The following SOX6 variants were observed in gnomAD, a reference collection of about 807,000 sequenced individuals.
SOX6 encodes SRY-box transcription factor 6, also known as transcription factor SOX-6.
Under a neutral mutation model 97.8 loss-of-function variants are expected in SOX6, and 11 were observed. That is an observed-to-expected ratio of 0.11 (90% confidence interval 0.07 to 0.19). The LOEUF (loss-of-function observed/expected upper bound fraction) is 0.19, where lower values mean the gene tolerates loss of function less well. SOX6 is among the 10% of genes least tolerant of loss of function. The pLI is 1.00. For missense variants in SOX6, 810 were observed against 1,039.5 expected (o/e 0.78, Z 3.04); for synonymous variants, 360 against 371.4 (o/e 0.97, Z 0.35).
chr11:16,522,189 A>G (rs1861077994), intron 4 of SOX6, among the ~76,000 whole-genome samples: 1 of 152,174 alleles, frequency 6.6e-6, no homozygotes, highest in Non-Finnish European at 1.5e-5. Flanking sequence ...CAGATTCACC[A>G]AAGTTGAAAT....
intron 3 of SOX6, among the ~76,000 whole-genome samples, chr11:16,280,208 T>C (rs1854515592): frequency 6.6e-6 from 1 of 152,114 alleles, no homozygotes; most frequent in African/African-American, 2.4e-5. Flanking sequence ...GCAGATACAG[T>C]AATTTTGATG....
At chr11:16,564,327 G>C (rs1847844945) in intron 4 of SOX6, among the ~76,000 whole-genome samples, 1 of 152,124 alleles carries the variant, frequency 6.6e-6, no homozygotes, top group Admixed American at 6.6e-5. Flanking sequence ...ATTATAAACA[G>C]GGAAAGTAAT....
chr11:16,725,778 T>A (rs1005638740), intron 2 of SOX6, among the ~76,000 whole-genome samples: 4 of 152,172 alleles, frequency 2.6e-5, no homozygotes, highest in African/African-American at 9.6e-5. Flanking sequence ...TTCAATTAAT[T>A]GAAATGTTAG....
intron 12 of SOX6, among the ~76,000 whole-genome samples, chr11:16,040,090 A>T (rs759780979): frequency 3.3e-5 from 5 of 152,054 alleles, no homozygotes; most frequent in Non-Finnish European, 5.9e-5. Context: ...CAACATTATT[A>T]ACTGAATATA....
At chr11:16,591,847 G>A (rs1848157481) in intron 4 of SOX6, among the ~76,000 whole-genome samples, 1 of 151,930 alleles carries the variant, frequency 6.6e-6, no homozygotes, top group Non-Finnish European at 1.5e-5. Flanking sequence ...CTCCCATTTG[G>A]ATCTATTTTT....
chr11:16,678,205 C>T (rs1452907414), intron 3 of SOX6, among the ~76,000 whole-genome samples: 3 of 151,796 alleles, frequency 2.0e-5, no homozygotes, highest in Non-Finnish European at 4.4e-5. Context: ...GTTTAGTTTG[C>T]TTGTCTTTCT....
chr11:16,279,968 C>T (rs1306035553), intron 3 of SOX6, among the ~76,000 whole-genome samples: 1 of 151,956 alleles, frequency 6.6e-6, no homozygotes, highest in South Asian at 2.1e-4. Context: ...AGGGTGAAAA[C>T]AATTTCAAAA....
intron 4 of SOX6, among the ~76,000 whole-genome samples, chr11:16,496,654 G>A (rs1860602794): frequency 6.6e-6 from 1 of 152,220 alleles, no homozygotes; most frequent in Non-Finnish European, 1.5e-5. Flanking sequence ...TTAGCAAACG[G>A]CACACCAGGA....
chr11:16,360,211 T>C (rs1287013366), upstream of SOX6, among the ~76,000 whole-genome samples: 3 of 152,238 alleles, frequency 2.0e-5, no homozygotes, highest in Admixed American at 6.5e-5. Context: ...GTTGTACAAC[T>C]AGTAAGAGGC....
chr11:16,136,774 A>G (rs1286654924), intron 6 of SOX6, among the ~76,000 whole-genome samples: 1 of 152,176 alleles, frequency 6.6e-6, no homozygotes, highest in Admixed American at 6.5e-5. Context: ...CAAAAAATTC[A>G]TGCAACTCAT....
At chr11:15,998,878 G>T (rs1187669565) in intron 13 of SOX6, among the ~76,000 whole-genome samples, 2 of 151,910 alleles carry the variant, frequency 1.3e-5, no homozygotes, top group African/African-American at 2.4e-5. Flanking sequence ...ATGACTCTTA[G>T]ATACAACATA....
intron 2 of SOX6, among the ~76,000 whole-genome samples, chr11:16,725,008 T>C (rs904759482): frequency 1.3e-5 from 2 of 152,208 alleles, no homozygotes; most frequent in Non-Finnish European, 2.9e-5. Flanking sequence ...ATTCCACTCC[T>C]AGACATATAC....
intron 1 of SOX6, among the ~76,000 whole-genome samples, chr11:16,349,086 T>G (rs1036716109): frequency 1.1e-4 from 17 of 152,068 alleles, no homozygotes; most frequent in African/African-American, 4.1e-4. Flanking sequence ...TCTCCCGCAC[T>G]CCAAAGATTC....
At chr11:16,549,712 T>TA (rs570830311) in intron 4 of SOX6, among the ~76,000 whole-genome samples, 24 of 151,860 alleles carry the variant, frequency 1.6e-4, no homozygotes, top group African/African-American at 3.6e-4. Context: ...CAACTGGTGA[T>TA]AAAAAAAACA....
At chr11:15,998,769 C>A (rs765204881) in intron 13 of SOX6, among the ~76,000 whole-genome samples, 1 of 151,932 alleles carries the variant, frequency 6.6e-6, no homozygotes. Flanking sequence ...ACATTATATA[C>A]AACAATTAGA....
At chr11:16,010,475 CA>C (rs1854685493) in intron 13 of SOX6, among the ~76,000 whole-genome samples, 1 of 151,674 alleles carries the variant, frequency 6.6e-6, no homozygotes, top group Non-Finnish European at 1.5e-5. Context: ...TACAACCTCC[CA>C]AAAAGGCTGG....
At chr11:16,254,908 T>C (rs1170721831) in intron 3 of SOX6, among the ~76,000 whole-genome samples, 2 of 151,948 alleles carry the variant, frequency 1.3e-5, no homozygotes, top group South Asian at 2.1e-4. Flanking sequence ...AAGATAAATA[T>C]AGATTAAAAT....
At chr11:16,318,755 G>A in intron 2 of SOX6, 102 bp from the exon 3 acceptor site, 1 of 790,260 alleles carries the variant, frequency 1.3e-6, no homozygotes, top group Non-Finnish European at 2.0e-6. Context: ...TGCTTAGTAG[G>A]ACAAATAAAA....
chr11:16,046,017 G>T (rs1340406183), intron 12 of SOX6, among the ~76,000 whole-genome samples: 2 of 152,112 alleles, frequency 1.3e-5, no homozygotes, highest in East Asian at 1.9e-4. Context: ...GTCCATCATA[G>T]AATAAACAAT....
Sources: allele counts gnomAD v4.1 joint callset (sites outside exome capture counted in the v4.1 genomes callset), GRCh38; gene constraint gnomAD v4.1.1; transcripts MANE v1.5; gene names NCBI Gene and HGNC (gene_info 2026-07-23, HGNC 2026-07-21).